PTPRD: variants seen among roughly 807,000 people sequenced by gnomAD.
PTPRD encodes protein tyrosine phosphatase receptor type D.
PTPRD carries 34 observed loss-of-function variants against 214.5 expected under a neutral mutation model. The observed-to-expected ratio is 0.16, with a 90% CI of 0.12 to 0.21. PTPRD has a LOEUF of 0.21. PTPRD is among the 10% of genes least tolerant of loss of function. The pLI is 1.00. For synonymous variants in PTPRD, 1,128 were observed against 845.7 expected (o/e 1.33, Z -5.79); for missense variants, 2,545 against 2,398.7 (o/e 1.06, Z -1.27).
chr9:10,585,303 T>A (rs1421570103), intron 2 of PTPRD, among the ~76,000 whole-genome samples: 2 of 152,106 alleles, frequency 1.3e-5, no homozygotes, highest in Non-Finnish European at 2.9e-5. Flanking sequence ...ATTTGTGTAA[T>A]TCTCCCATTG....
intron 3 of PTPRD, among the ~76,000 whole-genome samples, chr9:10,156,333 T>A (rs2099093406): frequency 6.6e-6 from 1 of 152,168 alleles, no homozygotes; most frequent in African/African-American, 2.4e-5. Flanking sequence ...TGGTGTGTTG[T>A]ATCTTTTCTC....
At chr9:8,668,141 A>G (rs1362770464) in intron 12 of PTPRD, among the ~76,000 whole-genome samples, 2 of 152,180 alleles carry the variant, frequency 1.3e-5, no homozygotes, top group Non-Finnish European at 2.9e-5. Context: ...TCCAGTGGTA[A>G]CTGACTCTTT....
intron 35 of PTPRD, among the ~76,000 whole-genome samples, chr9:8,417,470 G>C (rs1232848546): frequency 6.6e-6 from 1 of 152,084 alleles, no homozygotes; most frequent in Non-Finnish European, 1.5e-5. Flanking sequence ...TGAAAAACAA[G>C]TCTACACTAA....
intron 14 of PTPRD, among the ~76,000 whole-genome samples, chr9:8,563,199 G>A (rs1429029205): frequency 6.6e-6 from 1 of 152,072 alleles, no homozygotes; most frequent in Non-Finnish European, 1.5e-5. Flanking sequence ...TAGTGACAGG[G>A]TGATGACTGT....
At chr9:10,526,325 G>A (rs1294550538) in intron 2 of PTPRD, among the ~76,000 whole-genome samples, 2 of 152,076 alleles carry the variant, frequency 1.3e-5, no homozygotes, top group Admixed American at 6.6e-5. Context: ...GGATGATTGT[G>A]AGTATAATAT....
chr9:9,776,162 G>A (rs1473780817), intron 5 of PTPRD, among the ~76,000 whole-genome samples: 3 of 152,026 alleles, frequency 2.0e-5, no homozygotes, highest in Non-Finnish European at 2.9e-5. Context: ...ACCACTTGCT[G>A]TCCACTGAAT....
chr9:10,394,159 GAT>G (rs895894793), intron 2 of PTPRD, among the ~76,000 whole-genome samples: 3 of 133,070 alleles, frequency 2.3e-5, no homozygotes, highest in African/African-American at 9.0e-5. Context: ...TATATATATA[GAT>G]ATATATACAT....
intron 9 of PTPRD, among the ~76,000 whole-genome samples, chr9:9,277,036 G>GT (rs1403890653): frequency 1.3e-5 from 2 of 151,198 alleles, no homozygotes; most frequent in Non-Finnish European, 3.0e-5. Context: ...CGCCACTACT[G>GT]TATCTAGTAC....
intron 30 of PTPRD, among the ~76,000 whole-genome samples, chr9:8,478,766 G>A (rs1315554890): frequency 1.3e-5 from 2 of 152,302 alleles, no homozygotes; most frequent in East Asian, 1.9e-4. Flanking sequence ...CTCTCCTGAT[G>A]TGGCACACAA....
At chr9:9,872,682 T>C (rs1393406476) in intron 5 of PTPRD, among the ~76,000 whole-genome samples, 2 of 152,102 alleles carry the variant, frequency 1.3e-5, no homozygotes, top group Non-Finnish European at 2.9e-5. Flanking sequence ...TTAAAGGACA[T>C]AGCACAGTGC....
intron 27 of PTPRD, among the ~76,000 whole-genome samples, chr9:8,489,063 G>C (rs1246195157): frequency 2.0e-5 from 3 of 152,134 alleles, no homozygotes; most frequent in Non-Finnish European, 2.9e-5. Flanking sequence ...ACCACAAATA[G>C]AGACTGCATT....
chr9:9,653,079 A>C (rs1298142539), intron 7 of PTPRD, among the ~76,000 whole-genome samples: 1 of 149,080 alleles, frequency 6.7e-6, no homozygotes, highest in African/African-American at 2.6e-5. Context: ...GCGGTGGCTC[A>C]CGCCTGTAAT....
At chr9:9,723,190 A>T (rs2097997936) in intron 7 of PTPRD, among the ~76,000 whole-genome samples, 1 of 152,024 alleles carries the variant, frequency 6.6e-6, no homozygotes, top group African/African-American at 2.4e-5. Context: ...TTTGAGTTAT[A>T]TGTGGTTTGA....
chr9:9,986,148 T>A (rs968427607), intron 4 of PTPRD, among the ~76,000 whole-genome samples: 17 of 152,128 alleles, frequency 1.1e-4, no homozygotes, highest in Admixed American at 2.6e-4. Context: ...CAAGCCTTCT[T>A]TTACACTGCT....
intron 12 of PTPRD, among the ~76,000 whole-genome samples, chr9:8,672,766 A>G (rs1209036663): frequency 1.3e-5 from 2 of 148,716 alleles, no homozygotes; most frequent in African/African-American, 2.5e-5. Context: ...TTAGTTAAGG[A>G]CCTAAATATA....
chr9:9,948,991 G>T (rs924637667), intron 4 of PTPRD, among the ~76,000 whole-genome samples: 1 of 151,702 alleles, frequency 6.6e-6, no homozygotes, highest in Non-Finnish European at 1.5e-5. Context: ...ATGTCAGCAT[G>T]GGGGGGCCTA....
At position 9,837,329 on chromosome 9, in the gene PTPRD, T is replaced by C. The variant is rs1319598934; in HGVS notation, c.-367-70478A>G. 3.3e-5 allele frequency among the ~76,000 whole-genome samples: 5 copies of C among 152,270 alleles called. No individual in the cohort carries two copies. The East Asian group carries it at 7.7e-4, about 24-fold the overall frequency. The stretch of plus-strand genomic sequence containing the variant: ...ATGGTTTAATGAGAGATAGTTACAA[T>C]ATCTAACACAGGAGCAGTGATAAGA... On this transcript the variant is annotated intron_variant, in intron 5 of 45. Transcript: ENST00000381196.
intron 10 of PTPRD, among the ~76,000 whole-genome samples, chr9:9,130,335 T>G (rs1234442732): frequency 6.6e-6 from 1 of 152,194 alleles, no homozygotes; most frequent in Non-Finnish European, 1.5e-5. Flanking sequence ...ATCAAAATTT[T>G]AAGTAAAATT....
chr9:10,259,180 G>A (rs2093516164), intron 3 of PTPRD, among the ~76,000 whole-genome samples: 1 of 148,166 alleles, frequency 6.7e-6, no homozygotes, highest in South Asian at 2.1e-4. Context: ...CTGCCACCAC[G>A]CCCGGCTAAT....
Sources: allele counts gnomAD v4.1 joint callset (sites outside exome capture counted in the v4.1 genomes callset), GRCh38; gene constraint gnomAD v4.1.1; transcripts MANE v1.5; gene names NCBI Gene and HGNC (gene_info 2026-07-23, HGNC 2026-07-21).